CDIN1: variants seen among roughly 807,000 people sequenced by gnomAD.
CDIN1 encodes CDAN1-interacting nuclease 1.
Under a neutral mutation model 45.3 loss-of-function variants are expected in CDIN1, and 33 were observed. The observed-to-expected ratio is 0.73, with a 90% CI of 0.55 to 0.97. The LOEUF is 0.97. Among genes scored for constraint, CDIN1 ranks in the 50% least tolerant of loss-of-function variants. The pLI is 0.00. For synonymous variants in CDIN1, 118 were observed against 124.4 expected (o/e 0.95, Z 0.34); for missense variants, 303 against 339.4 (o/e 0.89, Z 0.84).
intron 10 of CDIN1, among the ~76,000 whole-genome samples, chr15:36,728,594 C>T (rs1393872373): frequency 6.8e-6 from 1 of 148,132 alleles, no homozygotes; most frequent in African/African-American, 2.5e-5. Context: ...TTTGGTCTCT[C>T]TCATCCAAAA....
Position 36,627,448 on chromosome 15 carries a change from G to A in CDIN1, c.102-16830G>A, listed in dbSNP as rs182549689. The stretch of plus-strand genomic sequence containing the variant: ...CCTGCATGGCAATGTCCAGCACCTC[G>A]TCAGTCACGCCCGCCTTGTCCAGCT... On this transcript the variant is annotated intron_variant, in intron 1 of 10. Transcript: ENST00000566621. The A allele has an allele frequency of 3.7e-4, 58 of 157,946 alleles. No individual in the cohort carries two copies. The South Asian group carries it at 7.9e-3, about 22-fold the overall frequency. 9.8% of individuals were successfully genotyped at this position (157,946 alleles called of 1,614,324 possible). A position where few individuals can be genotyped will look rare whatever the true frequency, so the allele number is the denominator to read the frequency against.
chr15:36,733,235 C>G (rs992455195), intron 10 of CDIN1, among the ~76,000 whole-genome samples: 17 of 152,016 alleles, frequency 1.1e-4, no homozygotes, highest in Admixed American at 3.9e-4. Flanking sequence ...GACTATTAAA[C>G]TAAATGTATT....
chr15:36,760,575 T>C (rs944132229), intron 10 of CDIN1, among the ~76,000 whole-genome samples: 8 of 152,232 alleles, frequency 5.3e-5, no homozygotes, highest in African/African-American at 1.9e-4. Context: ...TGTGTTGTTC[T>C]TCAAAAAGTA....
At chr15:36,593,547 A>G (rs1485395431) in intron 1 of CDIN1, among the ~76,000 whole-genome samples, 1 of 152,012 alleles carries the variant, frequency 6.6e-6, no homozygotes, top group Non-Finnish European at 1.5e-5. Flanking sequence ...GAAGAATGAA[A>G]GTTTTTATTT....
chr15:36,675,003 T>C (rs1184546949), intron 5 of CDIN1, among the ~76,000 whole-genome samples: 2 of 152,094 alleles, frequency 1.3e-5, no homozygotes, highest in African/African-American at 4.8e-5. Flanking sequence ...GACAGTACTT[T>C]GTTCTCACAT....
At chr15:36,676,607 A>G (rs539571738) in intron 5 of CDIN1, among the ~76,000 whole-genome samples, 1 of 152,252 alleles carries the variant, frequency 6.6e-6, no homozygotes, top group Non-Finnish European at 1.5e-5. Flanking sequence ...CTTTTCATAG[A>G]CTATAAGACA....
At chr15:36,795,458 T>A (rs78056023) in intron 10 of CDIN1, among the ~76,000 whole-genome samples, 2,611 of 152,292 alleles carry the variant, frequency 0.017, 75 homozygotes, top group African/African-American at 0.06. Flanking sequence ...ATAGGAAATG[T>A]ATTCAAGATG....
rs142307772 is a variant in CDIN1 at position 36,631,106 on chromosome 15, G to A, written c.102-13172G>A. Among the ~76,000 whole-genome samples the A allele has an allele frequency of 3.0e-4, 46 of 152,276 alleles. 1 individual carries two copies. Among genetic ancestry groups the A allele is most frequent in the Non-Finnish European group, 5.3e-4 (36 of 68,012 alleles). ...TTTTGAAGGACTGAACAATGGTCCC[G>A]TATCAGGAGAAATGATACATAACCT... On this transcript the variant is annotated intron_variant, in intron 1 of 10. Coordinates refer to ENST00000566621, the MANE Select transcript of CDIN1 (RefSeq NM_001321759.2).
intron 1 of CDIN1, among the ~76,000 whole-genome samples, chr15:36,596,198 T>C (rs1184802259): frequency 8.5e-5 from 13 of 152,170 alleles, no homozygotes; most frequent in Admixed American, 6.5e-4. Flanking sequence ...CATTTTTTTT[T>C]TTTAAAGAAG....
intron 10 of CDIN1, among the ~76,000 whole-genome samples, chr15:36,784,063 A>G (rs1233652489): frequency 6.6e-6 from 1 of 152,222 alleles, no homozygotes; most frequent in Admixed American, 6.5e-5. Flanking sequence ...AAGCATGCAC[A>G]TCCTTAATAC....
At chr15:36,679,592 G>C (rs1005491283) in intron 5 of CDIN1, among the ~76,000 whole-genome samples, 3 of 152,086 alleles carry the variant, frequency 2.0e-5, no homozygotes, top group Non-Finnish European at 4.4e-5. Context: ...GTCTTTCCTA[G>C]TTTACCTTTT....
In CDIN1 at chr15:36,643,786, A is replaced by G. The variant is rs374437416; in HGVS notation, c.102-492A>G. On this transcript the variant is annotated intron_variant, in intron 1 of 10. Coordinates refer to ENST00000566621, the MANE Select transcript of CDIN1 (RefSeq NM_001321759.2). ...CAGTATCGGTGGGAATGTTCCAGTG[A>G]CCACTGTGCTACTTCTAGTAAAGAC... 1.2e-4 allele frequency among the ~76,000 whole-genome samples: 18 copies of G among 152,316 alleles called. No individual in the cohort carries two copies. The East Asian group carries it at 2.7e-3, about 23-fold the overall frequency.
Position 36,704,769 on chromosome 15 carries a change from C to G in CDIN1, c.545-4454C>G, listed in dbSNP as rs939075563. On this transcript the variant is annotated intron_variant, in intron 8 of 10. Coordinates refer to ENST00000566621, the MANE Select transcript of CDIN1 (RefSeq NM_001321759.2). ...TTTTTACAAGTTCATAGATAAAAGC[C>G]CTGTCAGAATGTGACTTTTCATTTT... 4 of 152,072 alleles carry G rather than the reference C, an allele frequency of 2.6e-5. 1 individual carries two copies. The South Asian group carries it at 8.3e-4, about 32-fold the overall frequency. 9.4% of individuals were successfully genotyped at this position (152,072 alleles called of 1,614,324 possible).
intron 5 of CDIN1, among the ~76,000 whole-genome samples, chr15:36,666,651 T>C (rs1051618029): frequency 1.3e-5 from 2 of 152,214 alleles, no homozygotes; most frequent in African/African-American, 2.4e-5. Flanking sequence ...AAAGTACTTA[T>C]GCACTTTCAG....
chr15:36,671,123 A>C (rs1357456096), intron 5 of CDIN1, among the ~76,000 whole-genome samples: 1 of 152,134 alleles, frequency 6.6e-6, no homozygotes, highest in Non-Finnish European at 1.5e-5. Context: ...AGGGAACATT[A>C]ATGTGTGGCC....
chr15:36,583,844 G>A (rs758529118), intron 1 of CDIN1, among the ~76,000 whole-genome samples: 25 of 151,990 alleles, frequency 1.6e-4, no homozygotes, highest in Non-Finnish European at 2.9e-4. Flanking sequence ...GTGAAACCCC[G>A]TCTCTACTAA....
At chr15:36,584,409 T>G (rs902977072) in intron 1 of CDIN1, among the ~76,000 whole-genome samples, 2 of 152,190 alleles carry the variant, frequency 1.3e-5, no homozygotes, top group African/African-American at 4.8e-5. Context: ...CAGTCCAGCC[T>G]GAGCCACAAC....
Position 36,808,942 on chromosome 15 carries a change from G to A in CDIN1, c.*489G>A, listed in dbSNP as rs778687093. On this transcript the variant is annotated 3_prime_UTR_variant, in exon 11 of 11. Transcript: ENST00000566621. The stretch of plus-strand genomic sequence containing the variant: ...CATTACCATCGTGGAATAATCTAGC[G>A]CAAACCTAGGAAAGCTGAAGCCACA... 2.2e-5 allele frequency: 10 copies of A among 455,602 alleles called. No homozygotes were observed. Among genetic ancestry groups the A allele is most frequent in the Admixed American group, 4.7e-5 (2 of 42,504 alleles). 28.2% of individuals were successfully genotyped at this position (455,602 alleles called of 1,614,324 possible). A position where few individuals can be genotyped will look rare whatever the true frequency, so the allele number is the denominator to read the frequency against.
chr15:36,704,023 T>C (rs1313228611), intron 8 of CDIN1, among the ~76,000 whole-genome samples: 1 of 152,218 alleles, frequency 6.6e-6, no homozygotes, highest in Admixed American at 6.5e-5. Context: ...CTTTTTATTC[T>C]ACTATGTTGA....
Sources: allele counts gnomAD v4.1 joint callset (sites outside exome capture counted in the v4.1 genomes callset), GRCh38; gene constraint gnomAD v4.1.1; transcripts MANE v1.5; gene names NCBI Gene and HGNC (gene_info 2026-07-23, HGNC 2026-07-21).